Variants in NKAIN2 observed in about 807,000 individuals in gnomAD.
NKAIN2 encodes the protein sodium/potassium-transporting ATPase subunit beta-1-interacting protein 2.
Under a neutral mutation model 32.6 loss-of-function variants are expected in NKAIN2, and 14 were observed. The ratio of observed to expected loss-of-function variants is 0.43; its 90% confidence interval spans 0.28 to 0.67. NKAIN2 has a LOEUF of 0.67. Ranked by LOEUF, NKAIN2 falls within the 30% of genes least tolerant of loss-of-function variation. The pLI is 0.17. For missense variants in NKAIN2, 198 were observed against 258.3 expected (o/e 0.77, Z 1.60); for synonymous variants, 80 against 87.2 (o/e 0.92, Z 0.46).
chr6:124,292,037 T>C (rs1193578114), intron 2 of NKAIN2, among the ~76,000 whole-genome samples: 1 of 152,184 alleles, frequency 6.6e-6, no homozygotes, highest in African/African-American at 2.4e-5. Flanking sequence ...ACATTTGCCT[T>C]TGCTATGCTA....
intron 4 of NKAIN2, among the ~76,000 whole-genome samples, chr6:124,712,730 T>G (rs1038735330): frequency 2.0e-5 from 3 of 151,844 alleles, no homozygotes; most frequent in Non-Finnish European, 4.4e-5. Flanking sequence ...ATGAACCTGG[T>G]ACCTCAGATG....
intron 3 of NKAIN2, among the ~76,000 whole-genome samples, chr6:124,465,572 A>G (rs1465268533): frequency 6.6e-6 from 1 of 151,602 alleles, no homozygotes; most frequent in African/African-American, 2.4e-5. Context: ...TGGCACATGT[A>G]TACCTATGTA....
At chr6:123,952,928 G>A (rs937763304) in intron 1 of NKAIN2, among the ~76,000 whole-genome samples, 1 of 152,064 alleles carries the variant, frequency 6.6e-6, no homozygotes, top group Non-Finnish European at 1.5e-5. Context: ...TACTTTGGAG[G>A]TAACATATTT....
intron 3 of NKAIN2, among the ~76,000 whole-genome samples, chr6:124,465,297 C>T (rs1017798552): frequency 1.3e-5 from 2 of 152,110 alleles, no homozygotes; most frequent in Non-Finnish European, 2.9e-5. Flanking sequence ...GAATACTATG[C>T]AGCCATAAAA....
At chr6:123,991,713 T>A (rs2114690047) in intron 1 of NKAIN2, among the ~76,000 whole-genome samples, 1 of 151,862 alleles carries the variant, frequency 6.6e-6, no homozygotes, top group East Asian at 1.9e-4. Context: ...ATACAAAAAA[T>A]TAGCCAGGCA....
chr6:124,790,743 C>T (rs6938718), intron 4 of NKAIN2, among the ~76,000 whole-genome samples: 73,946 of 151,768 alleles, frequency 0.49, 18,125 homozygotes, highest in East Asian at 0.61. Context: ...GACGATGCGA[C>T]GTGTGTAATG....
At chr6:124,735,261 T>C (rs1776879597) in intron 4 of NKAIN2, among the ~76,000 whole-genome samples, 1 of 152,022 alleles carries the variant, frequency 6.6e-6, no homozygotes, top group South Asian at 2.1e-4. Flanking sequence ...GACTTTTATT[T>C]GAATCTTGGC....
rs1781496850 is a variant in NKAIN2 at position 124,824,007 on chromosome 6, A to G, written c.*778A>G. ...ACCATAGAGCCTCCATGGTGGCCCA[A>G]AAGAGACAAGTAACAATAACAATAT... On this transcript the variant is annotated 3_prime_UTR_variant, in exon 7 of 7. Coordinates refer to ENST00000368417, the MANE Select transcript of NKAIN2 (RefSeq NM_001040214.3). 1 of 152,214 alleles carries G rather than the reference A, an allele frequency of 6.6e-6. No individual in the cohort carries two copies. The highest frequency in any genetic ancestry group is 2.1e-4 in the South Asian group (1 of 4,834). The allele number at this position is 152,214 out of a possible 1,614,324, so 9.4% of individuals were successfully genotyped here.
intron 2 of NKAIN2, among the ~76,000 whole-genome samples, chr6:124,304,634 G>A (rs1375266986): frequency 6.6e-6 from 1 of 152,104 alleles, no homozygotes; most frequent in Non-Finnish European, 1.5e-5. Flanking sequence ...GTCTATAATT[G>A]GCCAGGCGTG....
At chr6:124,104,927 A>G (rs1013801547) in intron 1 of NKAIN2, among the ~76,000 whole-genome samples, 1 of 152,140 alleles carries the variant, frequency 6.6e-6, no homozygotes, top group African/African-American at 2.4e-5. Context: ...GGATGGGCTG[A>G]TTTATGTGGA....
At chr6:124,603,450 TAAATC>T in intron 3 of NKAIN2, among the ~76,000 whole-genome samples, 1 of 152,050 alleles carries the variant, frequency 6.6e-6, no homozygotes, top group South Asian at 2.1e-4. Context: ...TTTGGAAAAA[TAAATC>T]AAGAATTACT....
At chr6:124,341,527 G>A (rs1798112712) in intron 2 of NKAIN2, among the ~76,000 whole-genome samples, 1 of 151,998 alleles carries the variant, frequency 6.6e-6, no homozygotes, top group Admixed American at 6.6e-5. Flanking sequence ...TTCTATAAAG[G>A]GGGAAAACAA....
intron 1 of NKAIN2, among the ~76,000 whole-genome samples, chr6:123,841,492 C>T (rs1774867220): frequency 6.6e-6 from 1 of 152,110 alleles, no homozygotes; most frequent in Admixed American, 6.5e-5. Flanking sequence ...AGACCACTGC[C>T]CTTATCACTG....
At chr6:124,461,241 A>G (rs944167409) in intron 3 of NKAIN2, among the ~76,000 whole-genome samples, 4 of 151,820 alleles carry the variant, frequency 2.6e-5, no homozygotes, top group Admixed American at 6.6e-5. Flanking sequence ...AAATGACTCT[A>G]CAAAATTACA....
intron 1 of NKAIN2, among the ~76,000 whole-genome samples, chr6:123,919,786 A>AAATGCCATTCATTTCAATAACAGAAATG (rs1562258091): frequency 1.3e-5 from 2 of 152,138 alleles, no homozygotes; most frequent in African/African-American, 4.8e-5. Flanking sequence ...AGGATGCTGT[A>AAATGCCATTCATTTCAATAACAGAAATG]CCATTCATTT....
intron 3 of NKAIN2, among the ~76,000 whole-genome samples, chr6:124,561,896 C>CAT (rs1313643342): frequency 2.0e-5 from 3 of 152,190 alleles, no homozygotes; most frequent in African/African-American, 7.2e-5. Context: ...CATGAATTCT[C>CAT]TACATAAGTC....
chr6:123,925,813 C>G (rs1266045638), intron 1 of NKAIN2, among the ~76,000 whole-genome samples: 1 of 152,138 alleles, frequency 6.6e-6, no homozygotes, highest in Non-Finnish European at 1.5e-5. Flanking sequence ...CTTCCAAGAC[C>G]TGGCATTTCA....
intron 1 of NKAIN2, among the ~76,000 whole-genome samples, chr6:124,255,904 T>C (rs557197274): frequency 7.9e-5 from 12 of 152,356 alleles, no homozygotes; most frequent in Admixed American, 1.3e-4. Flanking sequence ...CTGGTGTCTT[T>C]GGGGCATCGT....
intron 3 of NKAIN2, among the ~76,000 whole-genome samples, chr6:124,368,918 A>G (rs1799631873): frequency 6.6e-6 from 1 of 152,228 alleles, no homozygotes; most frequent in East Asian, 1.9e-4. Context: ...GTTATTTCTG[A>G]TGTGGTCTTT....
Sources: allele counts gnomAD v4.1 joint callset (sites outside exome capture counted in the v4.1 genomes callset), GRCh38; gene constraint gnomAD v4.1.1; transcripts MANE v1.5; gene names NCBI Gene and HGNC (gene_info 2026-07-23, HGNC 2026-07-21).